The following TMC1 variants were observed in gnomAD, a reference collection of about 807,000 sequenced individuals.
TMC1 encodes the protein transmembrane channel-like protein 1.
Under a neutral mutation model 105.8 loss-of-function variants are expected in TMC1, and 84 were observed. That is an observed-to-expected ratio of 0.79 (90% CI 0.67 to 0.95). TMC1 has a LOEUF of 0.95. Ranked by LOEUF, TMC1 falls within the 40% of genes least tolerant of loss-of-function variation. The pLI, the probability that TMC1 is intolerant of heterozygous loss-of-function variation, is 0.00. For missense variants in TMC1, 817 were observed against 914.1 expected (o/e 0.89, Z 1.37); for synonymous variants, 315 against 311.5 (o/e 1.01, Z -0.12).
intron 13 of TMC1, among the ~76,000 whole-genome samples, chr9:72,773,858 C>T (rs1280899954): frequency 3.1e-4 from 47 of 152,134 alleles, no homozygotes; most frequent in Admixed American, 3.1e-3. Flanking sequence ...CCCAGCTCTA[C>T]CATGTATGTA....
chr9:72,557,008 G>A (rs951655885), intron 1 of TMC1, among the ~76,000 whole-genome samples: 2 of 152,092 alleles, frequency 1.3e-5, no homozygotes, highest in Admixed American at 1.3e-4. Flanking sequence ...CAGTGCACAG[G>A]ACAGCCCCTG....
intron 2 of TMC1, among the ~76,000 whole-genome samples, chr9:72,587,018 G>T (rs1471898768): frequency 6.6e-6 from 1 of 152,102 alleles, no homozygotes; most frequent in Non-Finnish European, 1.5e-5. Flanking sequence ...GTGGGGTGGT[G>T]GTACTACCGG....
chr9:72,540,665 A>T lies in TMC1; in HGVS notation c.-428+18752A>T, dbSNP rs1358873089. Among the ~76,000 whole-genome samples, 5 of 151,996 alleles carry T rather than the reference A, an allele frequency of 3.3e-5. No individual in the cohort carries two copies. The East Asian group carries it at 9.6e-4, about 29-fold the overall frequency. Reference sequence around the variant, plus strand: ...TCATTTATTTTTGTCCCTAGTCATGATTCCCAGAACCTTGCTGTGGTCATT... The same window carrying T: ...TCATTTATTTTTGTCCCTAGTCATGTTTCCCAGAACCTTGCTGTGGTCATT... On this transcript the variant is annotated intron_variant, in intron 1 of 23. Coordinates refer to ENST00000297784, the MANE Select transcript of TMC1 (RefSeq NM_138691.3).
chr9:72,756,421 T>G (rs1192804502), intron 12 of TMC1, among the ~76,000 whole-genome samples: 2 of 152,158 alleles, frequency 1.3e-5, no homozygotes, highest in African/African-American at 4.8e-5. Context: ...GAGTTGGATT[T>G]TACCTCTCTT....
chr9:72,639,597 G>A (rs957399528), intron 4 of TMC1, among the ~76,000 whole-genome samples: 2 of 152,050 alleles, frequency 1.3e-5, no homozygotes, highest in African/African-American at 2.4e-5. Flanking sequence ...ACATTTTATC[G>A]CTGGTCTTCA....
At chr9:72,547,104 T>C (rs1823782483) in intron 1 of TMC1, among the ~76,000 whole-genome samples, 1 of 152,098 alleles carries the variant, frequency 6.6e-6, no homozygotes, top group Non-Finnish European at 1.5e-5. Flanking sequence ...CTGGCCAACA[T>C]GGTGAAACCT....
At chr9:72,763,784 A>AT (rs5898270) in intron 12 of TMC1, among the ~76,000 whole-genome samples, 2,455 of 147,990 alleles carry the variant, frequency 0.017, 20 homozygotes, top group African/African-American at 0.019. Flanking sequence ...TGCACTAATT[A>AT]TTTTTTTTTT....
At chr9:72,595,644 T>A (rs1340051632) in intron 2 of TMC1, among the ~76,000 whole-genome samples, 5 of 151,666 alleles carry the variant, frequency 3.3e-5, no homozygotes, top group African/African-American at 1.2e-4. Flanking sequence ...GGTAAACTAG[T>A]TTACATTGTG....
At chr9:72,684,881 G>A (rs1057242949) in intron 5 of TMC1, among the ~76,000 whole-genome samples, 6 of 152,022 alleles carry the variant, frequency 3.9e-5, no homozygotes, top group African/African-American at 1.4e-4. Context: ...GTTCATTTAT[G>A]CCTGTCATGC....
At position 72,575,314 on chromosome 9, in the gene TMC1, A is replaced by G. The variant is rs538044307; in HGVS notation, c.-427-2588A>G. On this transcript the variant is annotated intron_variant, in intron 1 of 23. Transcript: ENST00000297784. The stretch of plus-strand genomic sequence containing the variant: ...TCCTGCCTCAGCCTCCCGAGTAGCT[A>G]GGACTACAGGCACCCACCACCAAGC... Among the ~76,000 whole-genome samples, 285 of 151,874 alleles carry G rather than the reference A, an allele frequency of 1.9e-3. 2 individuals carry two copies. The highest frequency in any genetic ancestry group is 1.5e-3 in the South Asian group (7 of 4,788).
chr9:72,634,509 C>T (rs1034733706), intron 4 of TMC1, among the ~76,000 whole-genome samples: 3 of 152,116 alleles, frequency 2.0e-5, no homozygotes, highest in South Asian at 2.1e-4. Context: ...CAGTTTCAGT[C>T]CCCCACCAAG....
intron 10 of TMC1, among the ~76,000 whole-genome samples, chr9:72,745,382 C>T (rs1827472444): frequency 6.6e-6 from 1 of 152,122 alleles, no homozygotes; most frequent in Admixed American, 6.5e-5. Context: ...GAAGGTTTTA[C>T]ATACTTTTTC....
chr9:72,715,787 C>T (rs988675996), intron 8 of TMC1, among the ~76,000 whole-genome samples: 5 of 152,210 alleles, frequency 3.3e-5, no homozygotes, highest in Admixed American at 3.3e-4. Context: ...ATTCTCCATC[C>T]AGTTTTGTTC....
At chr9:72,674,438 CAAAG>C (rs764039074) in intron 5 of TMC1, among the ~76,000 whole-genome samples, 1 of 152,110 alleles carries the variant, frequency 6.6e-6, no homozygotes, top group Non-Finnish European at 1.5e-5. Flanking sequence ...TAAAGATAGA[CAAAG>C]AAAGACAATT....
chr9:72,605,136 T>G (rs1824891692), intron 2 of TMC1, among the ~76,000 whole-genome samples: 1 of 152,218 alleles, frequency 6.6e-6, no homozygotes, highest in South Asian at 2.1e-4. Flanking sequence ...AATATAGCAT[T>G]TAATGATGAC....
intron 18 of TMC1, among the ~76,000 whole-genome samples, chr9:72,814,199 G>C (rs1828746740): frequency 6.6e-6 from 1 of 152,188 alleles, no homozygotes; most frequent in African/African-American, 2.4e-5. Context: ...AACAGAGACA[G>C]AGAAAGGCTG....
At chr9:72,626,553 A>T (rs1587997689) in intron 3 of TMC1, among the ~76,000 whole-genome samples, 1 of 152,244 alleles carries the variant, frequency 6.6e-6, no homozygotes, top group African/African-American at 2.4e-5. Flanking sequence ...GAGACAGAGA[A>T]GGAGTGAATA....
At chr9:72,523,755 C>G (rs1471129551) in intron 1 of TMC1, among the ~76,000 whole-genome samples, 3 of 151,986 alleles carry the variant, frequency 2.0e-5, no homozygotes, top group Admixed American at 6.6e-5. Flanking sequence ...AAGAAATCTT[C>G]ATATGAGTGG....
chr9:72,531,068 G>A (rs1823492365), intron 1 of TMC1, among the ~76,000 whole-genome samples: 2 of 151,852 alleles, frequency 1.3e-5, no homozygotes, highest in Admixed American at 1.3e-4. Flanking sequence ...TCCATCTCCT[G>A]ACCCCATGAT....
Sources: gnomAD v4.1 joint callset for allele counts (sites outside exome capture counted in the v4.1 genomes callset) on GRCh38, gnomAD v4.1.1 for gene constraint, MANE v1.5 for transcripts, NCBI Gene and HGNC (gene_info 2026-07-23, HGNC 2026-07-21) for gene names.